Variants in ERC2 observed in about 807,000 individuals in gnomAD.
The protein encoded by ERC2 is ELKS/RAB6-interacting/CAST family member 2.
In ERC2, 42 loss-of-function variants were observed where a neutral mutation model predicts 114.8. The ratio of observed to expected loss-of-function variants is 0.37; its 90% CI spans 0.29 to 0.47. ERC2 has a LOEUF of 0.47. ERC2 is among the 20% of genes least tolerant of loss of function. The probability of loss-of-function intolerance (pLI) is 0.99; values close to 1 mark genes in which losing one functional copy is unlikely to be tolerated. For synonymous variants in ERC2, 454 were observed against 425.5 expected (o/e 1.07, Z -0.82); for missense variants, 939 against 1,150.7 (o/e 0.82, Z 2.66).
rs78072589 is a variant in ERC2, at chr3:56,063,092, T to C, written c.1641+17725A>G. Among the ~76,000 whole-genome samples the C allele has an allele frequency of 4.7e-3, 720 of 152,322 alleles. 7 individuals carry two copies. Among genetic ancestry groups the C allele is most frequent in the East Asian group, 0.015 (80 of 5,182 alleles). ...ATGGATGAGTTTCAATGCATTATGC[T>C]AAGTCAAAGAAGCCAGACACGAAAG... On this transcript the variant is annotated intron_variant, in intron 7 of 17. Transcript: ENST00000288221.
At chr3:56,095,185 G>A (rs935369605) in intron 6 of ERC2, among the ~76,000 whole-genome samples, 5 of 152,140 alleles carry the variant, frequency 3.3e-5, no homozygotes, top group African/African-American at 7.2e-5. Context: ...AGCTATGATT[G>A]CACCACTGCT....
intron 2 of ERC2, among the ~76,000 whole-genome samples, chr3:56,413,515 A>G (rs2061023940): frequency 6.6e-6 from 1 of 152,094 alleles, no homozygotes; most frequent in South Asian, 2.1e-4. Context: ...CACTGAGCCC[A>G]TCCTCAGAAT....
chr3:55,570,043 A>G (rs1306210334), intron 17 of ERC2, among the ~76,000 whole-genome samples: 1 of 151,962 alleles, frequency 6.6e-6, no homozygotes, highest in Non-Finnish European at 1.5e-5. Flanking sequence ...TATTTTTAGT[A>G]GAGACGGGAT....
Position 56,195,698 on chromosome 3 carries a change from G to A in ERC2, c.1075-22178C>T, listed in dbSNP as rs146222516. ...ACAAAAATTATCTGGGCATGGTGGT[G>A]TACCTGTAGTCCCAGCTACTGGGGA... On this transcript the variant is annotated intron_variant, in intron 3 of 17. Transcript: ENST00000288221. 3.0e-4 allele frequency among the ~76,000 whole-genome samples: 46 copies of A among 152,140 alleles called. No homozygotes were observed. The East Asian group carries it at 5.8e-3, about 19-fold the overall frequency.
intron 17 of ERC2, among the ~76,000 whole-genome samples, chr3:55,566,042 A>G (rs1389790579): frequency 1.3e-5 from 2 of 152,224 alleles, no homozygotes; most frequent in Non-Finnish European, 2.9e-5. Context: ...TGTCTTAGCC[A>G]CTGAGTATTC....
chr3:56,396,750 A>G (rs888537693), intron 2 of ERC2, among the ~76,000 whole-genome samples: 1 of 152,176 alleles, frequency 6.6e-6, no homozygotes, highest in African/African-American at 2.4e-5. Flanking sequence ...ACAGAAAGGA[A>G]AGATTTTTTT....
chr3:56,259,548 G>A (rs1037908429), intron 3 of ERC2, among the ~76,000 whole-genome samples: 6 of 152,166 alleles, frequency 3.9e-5, no homozygotes, highest in Admixed American at 3.3e-4. Context: ...CAGGTATGGG[G>A]GAGGAAACGT....
chr3:55,920,724 G>C (rs553841494), intron 13 of ERC2, among the ~76,000 whole-genome samples: 52 of 152,026 alleles, frequency 3.4e-4, no homozygotes, highest in Non-Finnish European at 8.8e-5. Flanking sequence ...CTAAATAATA[G>C]AGCACGTGAT....
At chr3:56,345,405 G>A (rs1429526769) in intron 2 of ERC2, among the ~76,000 whole-genome samples, 1 of 152,194 alleles carries the variant, frequency 6.6e-6, no homozygotes, top group Non-Finnish European at 1.5e-5. Flanking sequence ...ACTACCCAGA[G>A]AAGTTGCAGG....
rs755030390 is a variant in ERC2 at position 56,018,952 on chromosome 3, G to A, written c.1721C>T (p.Thr574Met). The change falls in exon 8 of 18, where the codon ACG becomes ATG. Residue 574 changes from threonine to methionine, a missense_variant. Thr to Met is a moderately conservative substitution (Grantham distance 81, BLOSUM62 -1). Coordinates refer to ENST00000288221, the MANE Select transcript of ERC2 (RefSeq NM_015576.3). The stretch of plus-strand genomic sequence containing the variant: ...TGCAGTATCTGTATTACTGGAATCC[G>A]TCTGCAAGGACTTCACTCTGTCTTT... ...NLKDRVKSLQ[T>M]DSSNTDTALA... The A allele has an allele frequency of 1.1e-5, 18 of 1,613,102 alleles. No homozygotes were observed. Among genetic ancestry groups the A allele is most frequent in the Admixed American group, 6.7e-5 (4 of 59,912 alleles).
intron 17 of ERC2, among the ~76,000 whole-genome samples, chr3:55,661,234 C>T (rs2061121126): frequency 6.6e-6 from 1 of 152,184 alleles, no homozygotes; most frequent in African/African-American, 2.4e-5. Flanking sequence ...TTCATGAGGC[C>T]AAAATCACCA....
At chr3:55,809,832 T>C (rs960187257) in intron 14 of ERC2, among the ~76,000 whole-genome samples, 13 of 152,148 alleles carry the variant, frequency 8.5e-5, no homozygotes, top group African/African-American at 2.7e-4. Context: ...GCAGGGAAAA[T>C]GCATGTATCA....
intron 14 of ERC2, among the ~76,000 whole-genome samples, chr3:55,848,539 C>G (rs1559757901): frequency 1.3e-5 from 2 of 152,348 alleles, no homozygotes; most frequent in South Asian, 2.1e-4. Flanking sequence ...CTGGCCCATA[C>G]TGGCACCTCC....
intron 2 of ERC2, among the ~76,000 whole-genome samples, chr3:56,368,249 A>G (rs766626385): frequency 3.3e-5 from 5 of 151,184 alleles, no homozygotes; most frequent in Non-Finnish European, 5.9e-5. Flanking sequence ...GATATTAATT[A>G]TCAATTTCTA....
intron 17 of ERC2, among the ~76,000 whole-genome samples, chr3:55,596,253 T>C (rs142689587): frequency 3.3e-5 from 5 of 152,252 alleles, no homozygotes; most frequent in African/African-American, 9.6e-5. Flanking sequence ...AATAGATTAG[T>C]TACAATAAAT....
rs557068414 is a variant in ERC2, at chr3:56,270,762, G to A, written c.1074+25257C>T. 3.6e-4 allele frequency among the ~76,000 whole-genome samples: 55 copies of A among 152,274 alleles called. 1 individual carries two copies. In the South Asian group the frequency reaches 0.01, roughly 29 times the overall value. ...TGGGAGGCCAAGGTGGGCGGATCAC[G>A]AGGTCAGGAGATTGAGACCATCCTG... On this transcript the variant is annotated intron_variant, in intron 3 of 17. Coordinates refer to ENST00000288221, the MANE Select transcript of ERC2 (RefSeq NM_015576.3).
At chr3:55,513,082 G>A (rs1020844690) in intron 17 of ERC2, among the ~76,000 whole-genome samples, 10 of 152,232 alleles carry the variant, frequency 6.6e-5, no homozygotes, top group Non-Finnish European at 1.0e-4. Flanking sequence ...GACAGTCACA[G>A]CGGCCCTTAC....
At chr3:56,368,111 A>G (rs1233071187) in intron 2 of ERC2, among the ~76,000 whole-genome samples, 1 of 151,778 alleles carries the variant, frequency 6.6e-6, no homozygotes, top group Non-Finnish European at 1.5e-5. Context: ...TGTATCACTC[A>G]ATATACCCAT....
At chr3:56,008,634 C>T (rs1392811169) in intron 9 of ERC2, among the ~76,000 whole-genome samples, 1 of 152,146 alleles carries the variant, frequency 6.6e-6, no homozygotes. Flanking sequence ...GTCAACTTGG[C>T]TAGGCTCTAG....
Sources: gnomAD v4.1 joint callset for allele counts (sites outside exome capture counted in the v4.1 genomes callset) on GRCh38, gnomAD v4.1.1 for gene constraint, MANE v1.5 for transcripts, NCBI Gene and HGNC (gene_info 2026-07-23, HGNC 2026-07-21) for gene names.